The following ITPRIP variants were observed in gnomAD, a reference collection of about 807,000 sequenced individuals.
ITPRIP encodes inositol 1,4,5-trisphosphate receptor-interacting protein.
Under a neutral mutation model 35.8 loss-of-function variants are expected in ITPRIP, and 32 were observed. The ratio of observed to expected loss-of-function variants is 0.89; its 90% CI spans 0.68 to 1.20. ITPRIP has a LOEUF of 1.20. Ranked by LOEUF, ITPRIP falls within the 50% of genes most tolerant of loss-of-function variation. The pLI is 0.00. For missense variants in ITPRIP, 653 were observed against 735.6 expected, an observed-to-expected ratio of 0.89 and a Z score of 1.30; for synonymous variants, 358 against 324.0, an observed-to-expected ratio of 1.11 and a Z score of -1.13.
chr10:104,316,719 C>G (rs754468472), intron 1 of ITPRIP, among the ~76,000 whole-genome samples: 1 of 152,104 alleles, frequency 6.6e-6, no homozygotes, highest in Admixed American at 6.5e-5. Context: ...ATAAAGAAAC[C>G]CTTTTTAAGT....
Position 104,313,003 on chromosome 10 carries a change from C to T in ITPRIP, c.*1405G>A, listed in dbSNP as rs934757815. ...GATCCCCCTGAACCAGACCTGGAGA[C>T]GGAGCCCAGCTCCAACCACAGAGCT... On this transcript the variant is annotated 3_prime_UTR_variant, in exon 2 of 2. Transcript: ENST00000337478. The T allele has an allele frequency of 1.4e-4, 135 of 985,342 alleles. No individual in the cohort carries two copies. The highest frequency in any genetic ancestry group is 1.5e-4 in the Non-Finnish European group (128 of 829,984). The allele number at this position is 985,342 out of a possible 1,614,324, so 61.0% of individuals were successfully genotyped here.
intron 1 of ITPRIP, among the ~76,000 whole-genome samples, chr10:104,330,034 A>G (rs1179540089): frequency 1.3e-5 from 2 of 152,166 alleles, no homozygotes; most frequent in Admixed American, 1.3e-4. Flanking sequence ...GCTGACACAG[A>G]GGAAGAGGAG....
In ITPRIP at chr10:104,328,272, C is replaced by T. The variant is rs980692946; in HGVS notation, c.-14+9974G>A. ...GTCCTACATTGGCTTGGTCTGGGCT[C>T]GTATTCCTCCGAATTTCCCCTAGCC... On this transcript the variant is annotated intron_variant, in intron 1 of 1. Coordinates refer to ENST00000337478, the MANE Select transcript of ITPRIP (RefSeq NM_001272013.2). The surrounding 1 kb of genome is among the most constrained non-coding windows in gnomAD (Gnocchi z 4.1). 3.0e-6 allele frequency: 3 copies of T among 985,318 alleles called. No homozygotes were observed. Among genetic ancestry groups the T allele is most frequent in the Non-Finnish European group, 1.2e-6 (1 of 829,940 alleles). The allele number at this position is 985,318 out of a possible 1,614,324, so 61.0% of individuals were successfully genotyped here.
chr10:104,315,206 G>C lies in ITPRIP; in HGVS notation c.846C>G (p.Asp282Glu). 6.2e-7 allele frequency: 1 copy of C among 1,614,106 alleles called. No homozygotes were observed. The change falls in exon 2 of 2, where the codon GAC becomes GAG. Residue 282 changes from aspartate (D) to glutamate (E), a missense_variant. Transcript: ENST00000337478. This position sits in a 1 kb window ranked among gnomAD's most constrained non-coding sequence, Gnocchi z 5.7. The stretch of plus-strand genomic sequence containing the variant: ...CTGTGGCACACAGCAGGTTCTCCAT[G>C]TCGCCGCAGGGAGGCGCCATGCTGT... The part of the protein sequence containing the change: ...GRNSMAPPCG[D>E]MENLLCATDS...
Position 104,310,300 on chromosome 10 carries a change from G to A in ITPRIP, c.*4108C>T, listed in dbSNP as rs1333238024. 6.6e-6 allele frequency: 1 copy of A among 152,192 alleles called. No individual in the cohort carries two copies. Among genetic ancestry groups the A allele is most frequent in the Non-Finnish European group, 1.5e-5 (1 of 68,052 alleles). 9.4% of individuals were successfully genotyped at this position (152,192 alleles called of 1,614,324 possible). On this transcript the variant is annotated 3_prime_UTR_variant, in exon 2 of 2. Coordinates refer to ENST00000337478, the MANE Select transcript of ITPRIP (RefSeq NM_001272013.2). Reference sequence around the variant, plus strand: ...CCATGTACCCTACAGCACAGGACATGGATGGCACTGATCACATAGATAAGG... The same window carrying A: ...CCATGTACCCTACAGCACAGGACATAGATGGCACTGATCACATAGATAAGG...
Position 104,314,450 on chromosome 10 carries a change from A to G in ITPRIP, c.1602T>C (p.Tyr534=). 6.2e-7 allele frequency: 1 copy of G among 1,613,976 alleles called. No homozygotes were observed. Among genetic ancestry groups the G allele is most frequent in the South Asian group, 1.1e-5 (1 of 91,086 alleles). Residue 534 remains tyrosine, a synonymous_variant, in exon 2 of 2, where the codon TAT becomes TAC. Coordinates refer to ENST00000337478, the MANE Select transcript of ITPRIP (RefSeq NM_001272013.2). ...GCTGGTCTGAGGGGACATGTAGGGA[A>G]TACTCGCTAATGAGCGCTGGGGCAT... ...LKNAPALISE[Y]SLHVPSDQPT...
intron 1 of ITPRIP, among the ~76,000 whole-genome samples, chr10:104,324,742 G>A (rs1363662812): frequency 2.6e-5 from 4 of 152,234 alleles, no homozygotes; most frequent in African/African-American, 9.6e-5. Flanking sequence ...GCTGAGAGGA[G>A]GGGACACTGG....
intron 1 of ITPRIP, among the ~76,000 whole-genome samples, chr10:104,320,576 C>T (rs1952740): frequency 0.012 from 1,693 of 146,198 alleles, 20 homozygotes; most frequent in Middle Eastern, 0.026. Flanking sequence ...CTCACTCTGT[C>T]GCCTGGGCTA....
At chr10:104,327,223 C>T (rs764533960) in intron 1 of ITPRIP, among the ~76,000 whole-genome samples, 7 of 152,230 alleles carry the variant, frequency 4.6e-5, no homozygotes, top group African/African-American at 9.6e-5. Context: ...TGCTGGCCAG[C>T]GTAGGCCTTT....
At chr10:104,317,320 G>T (rs974574930) in intron 1 of ITPRIP, among the ~76,000 whole-genome samples, 1 of 152,196 alleles carries the variant, frequency 6.6e-6, no homozygotes, top group Non-Finnish European at 1.5e-5. Flanking sequence ...TTGGAGAAAG[G>T]CTAATCCCTA....
At chr10:104,323,444 C>A (rs1410593313) in intron 1 of ITPRIP, 1 of 152,370 alleles carries the variant, frequency 6.6e-6, no homozygotes, top group African/African-American at 2.4e-5. Flanking sequence ...GCTGAGTCTG[C>A]CCCTCCCTCT....
chr10:104,314,586 C>T lies in ITPRIP; in HGVS notation c.1466G>A (p.Gly489Glu). ...GGCCCTGAGCACGGCCTCAGGGAGT[C>T]CCATGGCCTCAGGCACCTTGCGGTT... Reference protein sequence around the residue: ...IGNRKVPEAMGLPEAVLRAEP... With the variant: ...IGNRKVPEAMELPEAVLRAEP... The change falls in exon 2 of 2, where the codon GGA becomes GAA. Residue 489 changes from glycine (G) to glutamate (E), a missense_variant. Coordinates refer to ENST00000337478, the MANE Select transcript of ITPRIP (RefSeq NM_001272013.2). The T allele has an allele frequency of 1.2e-6, 2 of 1,614,166 alleles. No individual in the cohort carries two copies. Among genetic ancestry groups the T allele is most frequent in the East Asian group, 2.2e-5 (1 of 44,876 alleles).
In ITPRIP at chr10:104,313,694, A is replaced by C; in HGVS notation, c.*714T>G. 1.0e-6 allele frequency: 1 copy of C among 985,486 alleles called. No individual in the cohort carries two copies. The highest frequency in any genetic ancestry group is 1.2e-6 in the Non-Finnish European group (1 of 829,960). 61.0% of individuals were successfully genotyped at this position (985,486 alleles called of 1,614,324 possible). On this transcript the variant is annotated 3_prime_UTR_variant, in exon 2 of 2. Transcript: ENST00000337478. ...GGGAAAGGACAGCAGAAGGGGGTGC[A>C]CCTGAGTGAGAAGTGTAGGGTGCAG...
intron 1 of ITPRIP, among the ~76,000 whole-genome samples, chr10:104,335,549 T>A (rs565761786): frequency 6.6e-6 from 1 of 152,242 alleles, no homozygotes; most frequent in South Asian, 2.1e-4. Flanking sequence ...TTAAGGAAAG[T>A]CACTTGATTC....
In ITPRIP at chr10:104,336,538, AGGGTCTGAACT is replaced by A. The variant is rs2014240987; in HGVS notation, c.-14+1697_-14+1707del. Among the ~76,000 whole-genome samples the A allele has an allele frequency of 1.0e-4, 15 of 149,734 alleles. No individual in the cohort carries two copies. In the South Asian group the frequency reaches 3.2e-3, roughly 31 times the overall value. ...GGGCATTGGGGGGTAGGTTAAAGAC[AGGGTCTGAACT>A]CTGTCACCCGGATGGAGTGCAGTGG... On this transcript the variant is annotated intron_variant, in intron 1 of 1. Coordinates refer to ENST00000337478, the MANE Select transcript of ITPRIP (RefSeq NM_001272013.2).
Position 104,315,289 on chromosome 10 carries a change from A to G in ITPRIP, c.763T>C (p.Cys255Arg). 4 of 1,597,900 alleles carry G rather than the reference A, an allele frequency of 2.5e-6. No homozygotes were observed. The highest frequency in any genetic ancestry group is 3.4e-6 in the Non-Finnish European group (4 of 1,170,128). The change falls in exon 2 of 2, where the codon TGC becomes CGC. Residue 255 changes from cysteine to arginine, a missense_variant. Cys to Arg is a radical substitution (Grantham distance 180). Coordinates refer to ENST00000337478, the MANE Select transcript of ITPRIP (RefSeq NM_001272013.2). This position sits in a 1 kb window ranked among gnomAD's most constrained non-coding sequence, Gnocchi z 5.7. ...VVRADGDTLS[C>R]ICGKTKLGED... is the part of the protein sequence containing the mutation. ...CCGAGCTTGGTCTTGCCGCAGATGC[A>G]GCTCAATGTGTCCCCATCGGCGCGG...
Position 104,315,439 on chromosome 10 carries a change from G to T in ITPRIP, c.613C>A (p.Pro205Thr). The T allele has an allele frequency of 6.2e-7, 1 of 1,607,028 alleles. No homozygotes were observed. Among genetic ancestry groups the T allele is most frequent in the Non-Finnish European group, 8.5e-7 (1 of 1,175,378 alleles). Residue 205 changes from proline to threonine, a missense_variant, in exon 2 of 2, where the codon CCA becomes ACA. Coordinates refer to ENST00000337478, the MANE Select transcript of ITPRIP (RefSeq NM_001272013.2). This position sits in a 1 kb window ranked among gnomAD's most constrained non-coding sequence, Gnocchi z 5.7. ...GGCACGAAAAGGTGGCACAGCAGTGGCCTGTCCACCTGCCAGTTCTCGTAC... is the reference window on the plus strand; with the variant it reads ...GGCACGAAAAGGTGGCACAGCAGTGTCCTGTCCACCTGCCAGTTCTCGTAC... ...SMYENWQVDR[P>T]LLCHLFVPFT... is the part of the protein sequence containing the mutation.
chr10:104,325,394 C>T (rs910271555), intron 1 of ITPRIP, among the ~76,000 whole-genome samples: 1 of 152,154 alleles, frequency 6.6e-6, no homozygotes, highest in Non-Finnish European at 1.5e-5. Flanking sequence ...GTCCATGACT[C>T]CCTGAAATAC....
At position 104,311,194 on chromosome 10, in the gene ITPRIP, CTCA is replaced by C. The variant is rs1564858555; in HGVS notation, c.*3211_*3213del. 1.3e-5 allele frequency: 2 copies of C among 152,220 alleles called. No individual in the cohort carries two copies. The highest frequency in any genetic ancestry group is 4.8e-5 in the African/African-American group (2 of 41,432). The allele number at this position is 152,220 out of a possible 1,614,324, so 9.4% of individuals were successfully genotyped here. On this transcript the variant is annotated 3_prime_UTR_variant, in exon 2 of 2. Coordinates refer to ENST00000337478, the MANE Select transcript of ITPRIP (RefSeq NM_001272013.2). ...CGGCACTAGCGTGAATGTGGGTGCC[CTCA>C]TGAGAAGCTTGTGGTGTAGCTGATG...
Sources: gnomAD v4.1 joint callset for allele counts (sites outside exome capture counted in the v4.1 genomes callset) on GRCh38, gnomAD v4.1.1 for gene constraint, Gnocchi (gnomAD v3.1) non-coding constraint, MANE v1.5 for transcripts, NCBI Gene and HGNC (gene_info 2026-07-23, HGNC 2026-07-21) for gene names.